HPSE2: variants seen among roughly 807,000 people sequenced by gnomAD.
The protein encoded by HPSE2 is heparanase 2 (inactive).
In HPSE2, 38 loss-of-function variants were observed where a neutral mutation model predicts 60.5. That is an observed-to-expected ratio of 0.63 (90% CI 0.48 to 0.82). The LOEUF (loss-of-function observed/expected upper bound fraction) is 0.82. Among genes scored for constraint, HPSE2 ranks in the 40% least tolerant of loss-of-function variants. The pLI, the probability that HPSE2 is intolerant of heterozygous loss-of-function variation, is 0.00. For missense variants in HPSE2, 713 were observed against 740.4 expected (o/e 0.96, Z 0.43); for synonymous variants, 295 against 293.2 (o/e 1.01, Z -0.06).
intron 3 of HPSE2, among the ~76,000 whole-genome samples, chr10:99,133,200 T>A (rs374168075): frequency 6.6e-6 from 1 of 152,306 alleles, no homozygotes; most frequent in East Asian, 1.9e-4. Flanking sequence ...TTCCCTTCTC[T>A]GGGCAGGGCA....
intron 3 of HPSE2, among the ~76,000 whole-genome samples, chr10:98,819,138 C>T (rs551679327): frequency 2.0e-5 from 3 of 152,298 alleles, no homozygotes; most frequent in Middle Eastern, 3.4e-3. Context: ...TAATAGGCCA[C>T]CCTCTATGTT....
the HPSE2 span, among the ~76,000 whole-genome samples, chr10:99,305,973 G>GCACACACACACACACACACACACA: frequency 3.4e-4 from 15 of 44,030 alleles, no homozygotes; most frequent in East Asian, 1.2e-3. Context: ...GCGCGCGCGC[G>GCACACACACACACACACACACACA]CGCGCGCACA....
chr10:99,262,436 A>T, the HPSE2 span, among the ~76,000 whole-genome samples: 1 of 152,006 alleles, frequency 6.6e-6, no homozygotes, highest in Non-Finnish European at 1.5e-5. Flanking sequence ...CCCAGTTCAA[A>T]GCCTCCTTTG....
intron 9 of HPSE2, among the ~76,000 whole-genome samples, chr10:98,543,738 T>C (rs564575364): frequency 6.6e-6 from 1 of 152,148 alleles, no homozygotes; most frequent in South Asian, 2.1e-4. Context: ...AAGAAGGCCA[T>C]TACATAATGG....
At chr10:99,149,617 A>C (rs1846184613) in intron 2 of HPSE2, among the ~76,000 whole-genome samples, 1 of 152,226 alleles carries the variant, frequency 6.6e-6, no homozygotes, top group Non-Finnish European at 1.5e-5. Context: ...CAAGTGCCAG[A>C]TGTTTCAGTG....
intron 3 of HPSE2, among the ~76,000 whole-genome samples, chr10:98,865,197 TC>T (rs1235490076): frequency 6.6e-6 from 1 of 152,100 alleles, no homozygotes; most frequent in Non-Finnish European, 1.5e-5. Flanking sequence ...AGGAATTTAA[TC>T]TAGGTGCCAT....
At chr10:99,141,405 G>A (rs928286321) in intron 3 of HPSE2, among the ~76,000 whole-genome samples, 17 of 152,080 alleles carry the variant, frequency 1.1e-4, no homozygotes, top group African/African-American at 3.4e-4. Flanking sequence ...AACCCTCTAG[G>A]CTAGGTGAGG....
chr10:99,046,214 G>T (rs1957851431), intron 3 of HPSE2, among the ~76,000 whole-genome samples: 1 of 152,002 alleles, frequency 6.6e-6, no homozygotes, highest in Non-Finnish European at 1.5e-5. Context: ...CACATTAACA[G>T]AATTAAAAGC....
In HPSE2 at chr10:98,681,057, C is replaced by T. The variant is rs114026957; in HGVS notation, c.1004+12843G>A. On this transcript the variant is annotated intron_variant, in intron 6 of 11. Coordinates refer to ENST00000370552, the MANE Select transcript of HPSE2 (RefSeq NM_021828.5). ...GGGGTTACAGGTGTGAGCCACCATG[C>T]CTGTCCCTGAATTGGTCATTTTTTT... is the stretch of plus-strand genomic sequence containing the variant. Among the ~76,000 whole-genome samples, 1,176 of 139,754 alleles carry T rather than the reference C, an allele frequency of 8.4e-3. 12 individuals carry two copies. Among genetic ancestry groups the T allele is most frequent in the African/African-American group, 0.026 (1,002 of 38,362 alleles). The allele number at this position is 139,754 out of a possible 152,430, so 91.7% of individuals were successfully genotyped here. A position where few individuals can be genotyped will look rare whatever the true frequency, so the allele number is the denominator to read the frequency against.
At chr10:98,973,860 G>C (rs916304191) in intron 3 of HPSE2, among the ~76,000 whole-genome samples, 5 of 143,034 alleles carry the variant, frequency 3.5e-5, no homozygotes, top group Non-Finnish European at 6.0e-5. Context: ...GGAAAAAAAG[G>C]GGGGGGGAGA....
chr10:98,562,377 A>G (rs940934699), intron 9 of HPSE2, among the ~76,000 whole-genome samples: 21 of 152,234 alleles, frequency 1.4e-4, no homozygotes, highest in African/African-American at 4.6e-4. Flanking sequence ...CCTCACAGAC[A>G]GCCTCTGAGA....
chr10:99,268,589 T>G, the HPSE2 span, among the ~76,000 whole-genome samples: 1 of 145,656 alleles, frequency 6.9e-6, no homozygotes, highest in Non-Finnish European at 1.5e-5. Flanking sequence ...GAGGTTGCAG[T>G]GAGCCGAGAT....
intron 9 of HPSE2, among the ~76,000 whole-genome samples, chr10:98,594,330 C>T (rs1429808759): frequency 6.6e-6 from 1 of 152,016 alleles, no homozygotes; most frequent in Non-Finnish European, 1.5e-5. Flanking sequence ...CCATGATATA[C>T]ACCATTATAC....
rs900747895 is a variant in HPSE2 at position 99,013,905 on chromosome 10, C to G, written c.610+130333G>C. 5.5e-5 allele frequency: 23 copies of G among 422,016 alleles called. No homozygotes were observed. In the Admixed American group the frequency reaches 6.2e-4, roughly 11 times the overall value. 26.1% of individuals were successfully genotyped at this position (422,016 alleles called of 1,614,324 possible). On this transcript the variant is annotated intron_variant, in intron 3 of 11. Coordinates refer to ENST00000370552, the MANE Select transcript of HPSE2 (RefSeq NM_021828.5). ...CCAGCCCAATAATGATACTTTTGTG[C>G]TCCTGGTGATTGAACAGTCTCCATA...
intron 3 of HPSE2, among the ~76,000 whole-genome samples, chr10:98,859,844 C>T (rs1036780609): frequency 2.0e-5 from 3 of 152,128 alleles, no homozygotes; most frequent in African/African-American, 4.8e-5. Context: ...TGAGGTTTCA[C>T]TTTCTGAGGT....
chr10:98,850,736 CAAAAAAAAAAAAA>C (rs11345838), intron 3 of HPSE2, among the ~76,000 whole-genome samples: 3 of 71,894 alleles, frequency 4.2e-5, no homozygotes, highest in African/African-American at 1.7e-4. Flanking sequence ...GACTCCATCT[CAAAAAAAAAAAAA>C]AAAAAAAAAG....
Position 99,038,298 on chromosome 10 carries a change from CAG to C in HPSE2, c.610+105938_610+105939del, listed in dbSNP as rs1195659012. Among the ~76,000 whole-genome samples the C allele has an allele frequency of 1.3e-4, 20 of 152,166 alleles. No homozygotes were observed. The East Asian group carries it at 3.9e-3, about 29-fold the overall frequency. On this transcript the variant is annotated intron_variant, in intron 3 of 11. Coordinates refer to ENST00000370552, the MANE Select transcript of HPSE2 (RefSeq NM_021828.5). ...GACAACAGGTGAATGGTTAAACAAACAGGGGTCAGCCACACCATGGTATACTA... is the reference window on the plus strand; with the variant it reads ...GACAACAGGTGAATGGTTAAACAAACGGGTCAGCCACACCATGGTATACTA...
chr10:98,991,191 A>G (rs1165851300), intron 3 of HPSE2, among the ~76,000 whole-genome samples: 1 of 152,220 alleles, frequency 6.6e-6, no homozygotes, highest in Non-Finnish European at 1.5e-5. Flanking sequence ...ACATTCAAAG[A>G]AGAAGTTACA....
At chr10:99,261,123 T>C in the HPSE2 span, among the ~76,000 whole-genome samples, 1 of 152,164 alleles carries the variant, frequency 6.6e-6, no homozygotes, top group Non-Finnish European at 1.5e-5. Flanking sequence ...CTCCCTAGTC[T>C]CTGCTCCCAA....
Sources: gnomAD v4.1 joint callset for allele counts (sites outside exome capture counted in the v4.1 genomes callset) on GRCh38, gnomAD v4.1.1 for gene constraint, MANE v1.5 for transcripts, NCBI Gene and HGNC (gene_info 2026-07-23, HGNC 2026-07-21) for gene names.